The following CYTH3 variants were observed in gnomAD, a reference collection of about 807,000 sequenced individuals.
CYTH3 encodes cytohesin-3.
CYTH3 carries 23 observed loss-of-function variants against 55.1 expected under a neutral mutation model. The ratio of observed to expected loss-of-function variants is 0.42; its 90% CI spans 0.30 to 0.59. The LOEUF is 0.59. CYTH3 is among the 20% of genes least tolerant of loss of function. The probability of loss-of-function intolerance (pLI) is 0.20; values close to 1 mark genes in which losing one functional copy is unlikely to be tolerated. For synonymous variants in CYTH3, 249 were observed against 194.9 expected (o/e 1.28, Z -2.31); for missense variants, 413 against 524.8 (o/e 0.79, Z 2.08).
intron 1 of CYTH3, among the ~76,000 whole-genome samples, chr7:6,196,650 G>A (rs375011550): frequency 2.6e-5 from 4 of 151,944 alleles, no homozygotes; most frequent in South Asian, 2.1e-4. Context: ...TAGTAGAGAC[G>A]GGGTTTCACC....
intron 1 of CYTH3, among the ~76,000 whole-genome samples, chr7:6,248,806 C>A (rs1779890013): frequency 6.6e-6 from 1 of 152,232 alleles, no homozygotes; most frequent in East Asian, 1.9e-4. Context: ...TATTTCTTCA[C>A]CCTGATCCCA....
chr7:6,200,598 G>C (rs912111167), intron 1 of CYTH3, among the ~76,000 whole-genome samples: 2 of 152,158 alleles, frequency 1.3e-5, no homozygotes, highest in African/African-American at 4.8e-5. Context: ...TTTTTGGTCA[G>C]TTCAGAGACT....
At chr7:6,263,760 T>C (rs1454241694) in intron 1 of CYTH3, among the ~76,000 whole-genome samples, 6 of 149,088 alleles carry the variant, frequency 4.0e-5, no homozygotes, top group African/African-American at 1.5e-4. Flanking sequence ...ATCACACCAC[T>C]GCACTCCAGC....
rs1177511626 is a variant in CYTH3, at chr7:6,252,880, C to T, written c.34+19594G>A. The stretch of plus-strand genomic sequence containing the variant: ...GCCAAATATTAAAATAAAATCCTCA[C>T]TATGTTAAGCCAGATAACTACCTCC... On this transcript the variant is annotated intron_variant, in intron 1 of 12. Transcript: ENST00000350796. Among the ~76,000 whole-genome samples the T allele has an allele frequency of 2.6e-5, 4 of 152,254 alleles. No homozygotes were observed. The Middle Eastern group carries it at 0.01, about 388-fold the overall frequency.
intron 1 of CYTH3, among the ~76,000 whole-genome samples, chr7:6,259,784 A>AATATATAT (rs71523777): frequency 5.3e-4 from 11 of 20,944 alleles, no homozygotes; most frequent in Non-Finnish European, 6.5e-4. Context: ...ATATATATAT[A>AATATATAT]ATATATATAT....
chr7:6,182,189 A>T (rs957738942), intron 4 of CYTH3, among the ~76,000 whole-genome samples: 1 of 152,094 alleles, frequency 6.6e-6, no homozygotes, highest in Non-Finnish European at 1.5e-5. Context: ...CTGAGATTAC[A>T]GGTGCCTGCT....
At chr7:6,233,080 C>T (rs1167251090) in intron 1 of CYTH3, among the ~76,000 whole-genome samples, 1 of 152,188 alleles carries the variant, frequency 6.6e-6, no homozygotes, top group East Asian at 1.9e-4. Context: ...TTAAATACTA[C>T]AGCTCCCCAG....
chr7:6,234,826 CCTG>C (rs1327359704), intron 1 of CYTH3, among the ~76,000 whole-genome samples: 2 of 152,268 alleles, frequency 1.3e-5, no homozygotes, highest in Middle Eastern at 6.8e-3. Context: ...CACTGGACTT[CCTG>C]CTAATTGGTA....
chr7:6,191,416 G>A (rs988894074), intron 1 of CYTH3, among the ~76,000 whole-genome samples: 1 of 152,150 alleles, frequency 6.6e-6, no homozygotes, highest in Non-Finnish European at 1.5e-5. Context: ...CAATAAATAT[G>A]TGTGAAAACA....
chr7:6,164,502 C>T lies in CYTH3; in HGVS notation c.*442G>A, dbSNP rs565278324. On this transcript the variant is annotated 3_prime_UTR_variant, in exon 13 of 13. Coordinates refer to ENST00000350796, the MANE Select transcript of CYTH3 (RefSeq NM_004227.4). Reference sequence around the variant, plus strand: ...GCTATAAAACAGTGGCTTTCTAGAACGGTTAATACTGCCCCGAGTGAATGC... The same window carrying T: ...GCTATAAAACAGTGGCTTTCTAGAATGGTTAATACTGCCCCGAGTGAATGC... The T allele has an allele frequency of 3.1e-5, 5 of 160,038 alleles. No homozygotes were observed. The South Asian group carries it at 1.0e-3, about 32-fold the overall frequency. 9.9% of individuals were successfully genotyped at this position (160,038 alleles called of 1,614,324 possible). A position where few individuals can be genotyped will look rare whatever the true frequency, so the allele number is the denominator to read the frequency against.
intron 1 of CYTH3, among the ~76,000 whole-genome samples, chr7:6,225,680 ATT>A (rs746185298): frequency 5.1e-5 from 7 of 137,686 alleles, no homozygotes; most frequent in African/African-American, 5.3e-5. Context: ...TTTTTGAAGA[ATT>A]TTTTTTTTTT....
chr7:6,190,056 AC>A (rs1783759106), intron 2 of CYTH3, among the ~76,000 whole-genome samples: 1 of 152,168 alleles, frequency 6.6e-6, no homozygotes, highest in South Asian at 2.1e-4. Flanking sequence ...AAAGAAAAAA[AC>A]AAACAAAAAA....
At position 6,177,385 on chromosome 7, in the gene CYTH3, G is replaced by C. The variant is rs868140063; in HGVS notation, c.368+438C>G. Among the ~76,000 whole-genome samples, 5 of 152,350 alleles carry C rather than the reference G, an allele frequency of 3.3e-5. No homozygotes were observed. The South Asian group carries it at 1.0e-3, about 32-fold the overall frequency. On this transcript the variant is annotated intron_variant, in intron 5 of 12. Coordinates refer to ENST00000350796, the MANE Select transcript of CYTH3 (RefSeq NM_004227.4). The stretch of plus-strand genomic sequence containing the variant: ...ACCTCTGCTAAGCCAGTCGCAGTCA[G>C]AAAGTAAATCTGACCTGCTGCTTTC...
chr7:6,221,844 G>A (rs1286769489), intron 1 of CYTH3, among the ~76,000 whole-genome samples: 3 of 152,114 alleles, frequency 2.0e-5, no homozygotes, highest in South Asian at 2.1e-4. Context: ...CCCAGCTACT[G>A]GGAAGGCTGA....
intron 1 of CYTH3, among the ~76,000 whole-genome samples, chr7:6,233,346 G>C (rs1779434938): frequency 1.3e-5 from 2 of 152,234 alleles, no homozygotes; most frequent in South Asian, 2.1e-4. Context: ...ATATCTAAGA[G>C]GTCACCAAAT....
At chr7:6,196,740 C>T (rs967382766) in intron 1 of CYTH3, among the ~76,000 whole-genome samples, 2 of 152,256 alleles carry the variant, frequency 1.3e-5, no homozygotes, top group African/African-American at 2.4e-5. Context: ...GGATTACAGG[C>T]GTGAGCCACC....
chr7:6,253,482 T>G (rs1056480700), intron 1 of CYTH3, among the ~76,000 whole-genome samples: 3 of 152,100 alleles, frequency 2.0e-5, no homozygotes, highest in African/African-American at 7.2e-5. Flanking sequence ...GTGCTGAAAT[T>G]ACCAGCCTGA....
rs1237278972 is a variant in CYTH3, at chr7:6,171,564, T to A, written c.450-250A>T. Among the ~76,000 whole-genome samples the A allele has an allele frequency of 6.6e-6, 1 of 152,170 alleles. No homozygotes were observed. The highest frequency in any genetic ancestry group is 2.4e-5 in the African/African-American group (1 of 41,428). On this transcript the variant is annotated intron_variant, in intron 6 of 12. Coordinates refer to ENST00000350796, the MANE Select transcript of CYTH3 (RefSeq NM_004227.4). The surrounding 1 kb of genome is among the most constrained non-coding windows in gnomAD (Gnocchi z 6.7). ...CAACCAATTCAGCAGCGAGGCCGGT[T>A]GTCTCTGCCTAAAAAGTAAATATCC...
Position 6,199,969 on chromosome 7 carries a change from A to T in CYTH3, c.35-9438T>A, listed in dbSNP as rs971952867. ...TATAAATCCTAAACCAACCACTAAC[A>T]AAGTGTGCAATAATATTAAGAAATT... On this transcript the variant is annotated intron_variant, in intron 1 of 12. Coordinates refer to ENST00000350796, the MANE Select transcript of CYTH3 (RefSeq NM_004227.4). Among the ~76,000 whole-genome samples the T allele has an allele frequency of 2.6e-5, 4 of 152,218 alleles. No homozygotes were observed. In the South Asian group the frequency reaches 8.3e-4, roughly 32 times the overall value.
Sources: gnomAD v4.1 joint callset for allele counts (sites outside exome capture counted in the v4.1 genomes callset) on GRCh38, gnomAD v4.1.1 for gene constraint, Gnocchi (gnomAD v3.1) non-coding constraint, MANE v1.5 for transcripts, NCBI Gene and HGNC (gene_info 2026-07-23, HGNC 2026-07-21) for gene names.